The following MYRIP variants were observed in gnomAD, a reference collection of about 807,000 sequenced individuals.
The protein encoded by MYRIP is myosin VIIA and Rab interacting protein, also known as rab effector MyRIP.
A neutral mutation model predicts 98.0 loss-of-function variants in MYRIP; 49 were observed. The ratio of observed to expected loss-of-function variants is 0.50; its 90% CI spans 0.40 to 0.63. The LOEUF (loss-of-function observed/expected upper bound fraction) is 0.63. MYRIP is among the 30% of genes least tolerant of loss of function. The pLI is 0.00. For missense variants in MYRIP, 1,004 were observed against 1,058.2 expected (o/e 0.95, Z 0.71); for synonymous variants, 404 against 409.5 (o/e 0.99, Z 0.16).
chr3:39,888,155 C>A (rs1212533600), intron 1 of MYRIP, among the ~76,000 whole-genome samples: 1 of 152,146 alleles, frequency 6.6e-6, no homozygotes, highest in Non-Finnish European at 1.5e-5. Flanking sequence ...CAATGCCTTT[C>A]TTCACAGAAT....
intron 2 of MYRIP, among the ~76,000 whole-genome samples, chr3:40,005,445 C>T (rs1408465937): frequency 6.6e-6 from 1 of 152,270 alleles, no homozygotes; most frequent in Non-Finnish European, 1.5e-5. Flanking sequence ...CATTCTCTGG[C>T]TTTATTGGCC....
At chr3:40,243,531 T>C (rs1423756144) in intron 12 of MYRIP, among the ~76,000 whole-genome samples, 1 of 152,222 alleles carries the variant, frequency 6.6e-6, no homozygotes, top group Non-Finnish European at 1.5e-5. Context: ...AAATCAACTC[T>C]AAATTGCTGT....
At chr3:40,204,152 AAATATATAATATAATATTT>A (rs1559451835) in intron 10 of MYRIP, among the ~76,000 whole-genome samples, 1 of 13,984 alleles carries the variant, frequency 7.2e-5, no homozygotes, top group African/African-American at 1.8e-4. Flanking sequence ...TATAATATAT[AAATATATAATATAATATTT>A]ATATATTATA....
intron 1 of MYRIP, among the ~76,000 whole-genome samples, chr3:39,889,988 A>T (rs984657805): frequency 7.2e-5 from 11 of 152,092 alleles, no homozygotes; most frequent in Middle Eastern, 3.4e-3. Context: ...AAAATCTAAA[A>T]TTTTTTTTAA....
At chr3:39,890,809 A>T (rs1443528877) in intron 1 of MYRIP, among the ~76,000 whole-genome samples, 1 of 151,996 alleles carries the variant, frequency 6.6e-6, no homozygotes, top group Non-Finnish European at 1.5e-5. Context: ...AATTGTCGCT[A>T]TTTCTTTTTG....
At chr3:39,932,074 T>G (rs937874019) in intron 2 of MYRIP, among the ~76,000 whole-genome samples, 2 of 152,216 alleles carry the variant, frequency 1.3e-5, no homozygotes, top group Non-Finnish European at 2.9e-5. Flanking sequence ...TACTAGGTTG[T>G]GTTCCATAGC....
At chr3:39,839,743 G>A (rs1220628404) in intron 1 of MYRIP, among the ~76,000 whole-genome samples, 1 of 152,118 alleles carries the variant, frequency 6.6e-6, no homozygotes, top group East Asian at 1.9e-4. Flanking sequence ...TCAGGAGCAG[G>A]TTGTTCAGTT....
chr3:39,967,243 C>T (rs544958369), intron 2 of MYRIP, among the ~76,000 whole-genome samples: 14 of 152,290 alleles, frequency 9.2e-5, no homozygotes, highest in Admixed American at 5.9e-4. Flanking sequence ...TCCCTCTTCT[C>T]ATCCTCCCTG....
At chr3:40,015,862 G>A (rs1465568318) in intron 2 of MYRIP, among the ~76,000 whole-genome samples, 1 of 152,164 alleles carries the variant, frequency 6.6e-6, no homozygotes, top group Non-Finnish European at 1.5e-5. Context: ...AAATAAGAAA[G>A]TTTATCTCAC....
At chr3:39,831,859 T>C (rs1283053120) in intron 1 of MYRIP, among the ~76,000 whole-genome samples, 1 of 152,200 alleles carries the variant, frequency 6.6e-6, no homozygotes, top group Admixed American at 6.5e-5. Flanking sequence ...TGGACAGTGC[T>C]GGTAGAACCA....
intron 1 of MYRIP, among the ~76,000 whole-genome samples, chr3:39,894,375 A>G (rs1205835820): frequency 2.0e-5 from 3 of 152,178 alleles, no homozygotes; most frequent in Non-Finnish European, 2.9e-5. Flanking sequence ...TGAACTTTAT[A>G]CAATTGGGAT....
At chr3:39,882,998 A>G (rs560325343) in intron 1 of MYRIP, among the ~76,000 whole-genome samples, 1 of 152,274 alleles carries the variant, frequency 6.6e-6, no homozygotes, top group South Asian at 2.1e-4. Flanking sequence ...CTTTAAAGCC[A>G]TTGTAGAGAT....
At chr3:40,231,482 T>C (rs116976136) in intron 11 of MYRIP, among the ~76,000 whole-genome samples, 1 of 152,214 alleles carries the variant, frequency 6.6e-6, no homozygotes, top group East Asian at 1.9e-4. Context: ...TCACAGGAGG[T>C]ATTCCAGGCC....
chr3:40,011,008 G>A (rs1946750146), intron 2 of MYRIP, among the ~76,000 whole-genome samples: 1 of 152,068 alleles, frequency 6.6e-6, no homozygotes, highest in Non-Finnish European at 1.5e-5. Context: ...GGACTAGTGG[G>A]GTGGCTCCCC....
At chr3:40,080,104 G>A (rs937389498) in intron 3 of MYRIP, among the ~76,000 whole-genome samples, 1 of 152,178 alleles carries the variant, frequency 6.6e-6, no homozygotes, top group Non-Finnish European at 1.5e-5. Flanking sequence ...GTGTGTGTGA[G>A]ATTGGCTGTA....
intron 4 of MYRIP, among the ~76,000 whole-genome samples, chr3:40,160,089 A>G (rs1342556085): frequency 3.3e-5 from 5 of 152,002 alleles, no homozygotes; most frequent in Non-Finnish European, 5.9e-5. Context: ...TAGAGTTTCC[A>G]GTTTTTCTGC....
intron 3 of MYRIP, among the ~76,000 whole-genome samples, chr3:40,110,765 G>A (rs1189295102): frequency 1.3e-5 from 2 of 151,970 alleles, no homozygotes; most frequent in Non-Finnish European, 2.9e-5. Flanking sequence ...AGAAACACAG[G>A]CCACTCCTCT....
intron 2 of MYRIP, among the ~76,000 whole-genome samples, chr3:39,920,994 C>T (rs1206511254): frequency 6.6e-6 from 1 of 152,170 alleles, no homozygotes; most frequent in African/African-American, 2.4e-5. Context: ...TTCTGGTCCA[C>T]TGTTGCCATT....
chr3:40,247,525 A>G (rs1245012772), intron 13 of MYRIP, among the ~76,000 whole-genome samples: 1 of 151,886 alleles, frequency 6.6e-6, no homozygotes, highest in Non-Finnish European at 1.5e-5. Flanking sequence ...CATAGCCCAC[A>G]CTCTTTTTCT....
Sources: gnomAD v4.1 joint callset for allele counts (sites outside exome capture counted in the v4.1 genomes callset) on GRCh38, gnomAD v4.1.1 for gene constraint, MANE v1.5 for transcripts, NCBI Gene and HGNC (gene_info 2026-07-23, HGNC 2026-07-21) for gene names.